The following HSPA12A variants were observed in gnomAD, a reference collection of about 807,000 sequenced individuals.
The protein encoded by HSPA12A is heat shock 70 kDa protein 12A.
Under a neutral mutation model 69.2 loss-of-function variants are expected in HSPA12A, and 28 were observed. The observed-to-expected ratio is 0.40, with a 90% CI of 0.30 to 0.55. HSPA12A has a LOEUF of 0.55. Among genes scored for constraint, HSPA12A ranks in the 20% least tolerant of loss-of-function variants. The pLI is 0.38. For synonymous variants in HSPA12A, 345 were observed against 370.5 expected (o/e 0.93, Z 0.79); for missense variants, 686 against 900.7 (o/e 0.76, Z 3.05).
intron 6 of HSPA12A, among the ~76,000 whole-genome samples, chr10:116,687,793 G>A (rs1849617479): frequency 6.6e-6 from 1 of 152,148 alleles, no homozygotes; most frequent in Admixed American, 6.5e-5. Flanking sequence ...TTCAGAGAAG[G>A]TGCCTCATGG....
intron 1 of HSPA12A, among the ~76,000 whole-genome samples, chr10:116,842,076 TA>T (rs2133223453): frequency 6.6e-6 from 1 of 152,348 alleles, no homozygotes; most frequent in South Asian, 2.1e-4. Flanking sequence ...ATTTTGCTAA[TA>T]ACAAACAGAT....
rs115574694 is a variant in HSPA12A, at chr10:116,759,890, G to T, written c.92-52605C>A. On this transcript the variant is annotated intron_variant, in intron 2 of 12. Transcript: ENST00000635765. ...AGATCTGATGGTTTAATAAAGAGGA[G>T]TTTCCCTGAACAAGTTCTGTTCTCT... Among the ~76,000 whole-genome samples the T allele has an allele frequency of 6.9e-3, 1,052 of 152,268 alleles. 10 individuals are homozygous for T. The highest frequency in any genetic ancestry group is 0.024 in the African/African-American group (997 of 41,542).
In HSPA12A at chr10:116,841,421, G is replaced by A. The variant is rs547025755; in HGVS notation, c.4-6399C>T. Among the ~76,000 whole-genome samples the A allele has an allele frequency of 5.9e-5, 9 of 152,050 alleles. No homozygotes were observed. The South Asian group carries it at 1.2e-3, about 21-fold the overall frequency. On this transcript the variant is annotated intron_variant, in intron 1 of 12. Transcript: ENST00000635765. The stretch of plus-strand genomic sequence containing the variant: ...TATACTTCTGTAATCTCTACCTAAG[G>A]TGTTGAATGCACAATCACAAAATAT...
At chr10:116,793,580 CAACA>C (rs147564035) in intron 2 of HSPA12A, among the ~76,000 whole-genome samples, 123,995 of 151,270 alleles carry the variant, frequency 0.82, 52,809 homozygotes, top group Non-Finnish European at 0.93. Flanking sequence ...CCACTGAAAA[CAACA>C]AACAAACAAA....
At chr10:116,749,442 G>T (rs782714743) in intron 2 of HSPA12A, among the ~76,000 whole-genome samples, 1 of 152,194 alleles carries the variant, frequency 6.6e-6, no homozygotes, top group Non-Finnish European at 1.5e-5. Flanking sequence ...GAGGCCCGGA[G>T]ATCAGGTACT....
At position 116,707,183 on chromosome 10, in the gene HSPA12A, A is replaced by C. The variant is rs1554882573; in HGVS notation, c.126+17T>G. 6.4e-7 allele frequency: 1 copy of C among 1,572,182 alleles called. No homozygotes were observed. The highest frequency in any genetic ancestry group is 8.7e-7 in the Non-Finnish European group (1 of 1,150,944). On this transcript the variant is annotated intron_variant, in intron 2 of 11. Coordinates refer to ENST00000369209, the MANE Select transcript of HSPA12A (RefSeq NM_025015.3). ...CACACACACACACACACACACACAC[A>C]CACACACACTTCTTACCACAATATG...
intron 2 of HSPA12A, among the ~76,000 whole-genome samples, chr10:116,784,292 G>A (rs1457995428): frequency 2.0e-5 from 3 of 152,234 alleles, no homozygotes; most frequent in South Asian, 2.1e-4. Flanking sequence ...AAGGCAGGCC[G>A]CTCCTGACCT....
intron 1 of HSPA12A, among the ~76,000 whole-genome samples, chr10:116,841,241 T>C (rs1231424518): frequency 6.6e-6 from 1 of 152,224 alleles, no homozygotes; most frequent in East Asian, 1.9e-4. Flanking sequence ...GCAGTTAAAA[T>C]TGTAGCTCAG....
intron 2 of HSPA12A, among the ~76,000 whole-genome samples, chr10:116,787,563 G>T (rs1484116747): frequency 1.3e-5 from 2 of 151,868 alleles, no homozygotes; most frequent in African/African-American, 4.8e-5. Context: ...ACGTACAGGC[G>T]TCTGTATTTT....
chr10:116,811,806 C>G (rs191394466), intron 2 of HSPA12A, among the ~76,000 whole-genome samples: 1 of 152,090 alleles, frequency 6.6e-6, no homozygotes, highest in East Asian at 1.9e-4. Context: ...AACCCCTACC[C>G]GGTAGGTTTG....
At chr10:116,790,092 CTTTTTTTTTTT>C (rs140785704) in intron 2 of HSPA12A, among the ~76,000 whole-genome samples, 1 of 69,120 alleles carries the variant, frequency 1.4e-5, no homozygotes, top group Non-Finnish European at 2.6e-5. Context: ...GATAATCTTT[CTTTTTTTTTTT>C]TTTTTTTTTT....
chr10:116,826,432 G>A (rs1845507152), intron 2 of HSPA12A, among the ~76,000 whole-genome samples: 1 of 152,140 alleles, frequency 6.6e-6, no homozygotes, highest in Non-Finnish European at 1.5e-5. Flanking sequence ...AAACGTAAAA[G>A]CCAGAAACTA....
Position 116,777,732 on chromosome 10 carries a change from G to GTTTGT in HSPA12A, c.91+57198_91+57202dup, listed in dbSNP as rs1844372618. ...CACAAAAACAATTAGAAAATGCTGA[G>GTTTGT]TTTGTTTTGTTTTGAGACGGAGTCT... On this transcript the variant is annotated intron_variant, in intron 2 of 12. Coordinates refer to the HSPA12A transcript ENST00000635765. 3.3e-5 allele frequency among the ~76,000 whole-genome samples: 5 copies of GTTTGT among 152,310 alleles called. No individual in the cohort carries two copies. In the South Asian group the frequency reaches 1.0e-3, roughly 32 times the overall value.
At chr10:116,765,670 G>T (rs1844060421) in intron 2 of HSPA12A, among the ~76,000 whole-genome samples, 1 of 152,104 alleles carries the variant, frequency 6.6e-6, no homozygotes, top group African/African-American at 2.4e-5. Context: ...AAAGTTGAAG[G>T]AAAGAAGACA....
At chr10:116,771,707 T>C (rs1554890515) in intron 2 of HSPA12A, among the ~76,000 whole-genome samples, 1 of 152,180 alleles carries the variant, frequency 6.6e-6, no homozygotes. Context: ...GCAGTTTCTC[T>C]CTGCAGTGGA....
intron 2 of HSPA12A, among the ~76,000 whole-genome samples, chr10:116,813,403 C>T (rs56191821): frequency 9.9e-5 from 15 of 151,894 alleles, no homozygotes; most frequent in East Asian, 2.0e-4. Flanking sequence ...CCCACCACCA[C>T]GCCCGGCTAA....
chr10:116,731,997 T>C (rs1851166562), intron 1 of HSPA12A, among the ~76,000 whole-genome samples: 2 of 152,038 alleles, frequency 1.3e-5, no homozygotes, highest in African/African-American at 4.8e-5. Context: ...AAAGTGGTCC[T>C]GCAGAGAGGA....
intron 2 of HSPA12A, among the ~76,000 whole-genome samples, chr10:116,767,438 C>T (rs1275558646): frequency 1.3e-5 from 2 of 152,198 alleles, no homozygotes; most frequent in Non-Finnish European, 2.9e-5. Flanking sequence ...GGTCATCCAC[C>T]CCAGCTGCTG....
intron 10 of HSPA12A, 134 bp downstream of exon 10, chr10:116,679,369 G>A (rs888197103): frequency 1.9e-6 from 2 of 1,026,622 alleles, no homozygotes; most frequent in Non-Finnish European, 2.9e-6. Flanking sequence ...GGGAAGAGAA[G>A]TTGAGTCCCT....
Sources: allele counts gnomAD v4.1 joint callset (sites outside exome capture counted in the v4.1 genomes callset), GRCh38; gene constraint gnomAD v4.1.1; transcripts MANE v1.5; gene names NCBI Gene and HGNC (gene_info 2026-07-23, HGNC 2026-07-21).